The following PHRF1 variants were observed in gnomAD, a reference collection of about 807,000 sequenced individuals.
PHRF1 encodes PHD and ring finger domains 1.
PHRF1 carries 53 observed loss-of-function variants against 128.9 expected under a neutral mutation model. That is an observed-to-expected ratio of 0.41 (90% CI 0.33 to 0.52). PHRF1 has a LOEUF of 0.52. PHRF1 is among the 20% of genes least tolerant of loss of function. The probability of loss-of-function intolerance (pLI) is 0.21; values close to 1 mark genes in which losing one functional copy is unlikely to be tolerated. For missense variants in PHRF1, 2,503 were observed against 2,284.5 expected (o/e 1.10, Z -1.95); for synonymous variants, 1,178 against 980.6 (o/e 1.20, Z -3.76).
chr11:577,126 C>T (rs940618864), intron 1 of PHRF1, among the ~76,000 whole-genome samples: 2 of 152,220 alleles, frequency 1.3e-5, no homozygotes, highest in Non-Finnish European at 2.9e-5. Context: ...TGTCCACAGG[C>T]CTGTGTGGCT....
At chr11:576,769 GA>G (rs1853865947) in intron 1 of PHRF1, among the ~76,000 whole-genome samples, 177 bp downstream of exon 1, 6 of 112,734 alleles carry the variant, frequency 5.3e-5, no homozygotes, top group Admixed American at 2.9e-4. Context: ...CCGAGACTGG[GA>G]GGCCCCGCCG....
chr11:582,346 C>T (rs1269493868), intron 3 of PHRF1, among the ~76,000 whole-genome samples: 1 of 149,834 alleles, frequency 6.7e-6, no homozygotes, highest in Non-Finnish European at 1.5e-5. Context: ...CTCACTGCAA[C>T]TTCTGCCTCC....
rs541891058 is a variant in PHRF1, at chr11:611,647, A to G, written c.4820A>G (p.Lys1607Arg). The change falls in exon 18 of 18, where the codon AAG becomes AGG. Residue 1607 changes from lysine to arginine, a missense_variant. Coordinates refer to ENST00000264555, the MANE Select transcript of PHRF1 (RefSeq NM_001286581.2). The part of the protein sequence containing the change: ...RKAVQKICHS[K>R]SGEINPVKVA... ...CTCTTTCTCCAGATCTGCCACAGCA[A>G]GAGTGGAGAGATCAACCCCGTGAAG... 53 of 1,613,118 alleles carry G rather than the reference A, an allele frequency of 3.3e-5. No homozygotes were observed. The East Asian group carries it at 4.2e-4, about 13-fold the overall frequency.
intron 3 of PHRF1, among the ~76,000 whole-genome samples, chr11:586,446 G>A (rs986927886): frequency 6.6e-5 from 10 of 152,238 alleles, no homozygotes. Context: ...GGTCCTGGCA[G>A]TGATGCCCCA....
rs1293476413 is a variant in PHRF1, at chr11:610,551, A to G, written c.4467A>G (p.Pro1489=). ...CCCCGGCCCAGCCCTCAAGCATCCC[A>G]CCCTGCGCACTGGTCAGCCAGCCCA... The part of the protein sequence containing the change: ...PPAPAQPSSI[P]PCALVSQPTV... Residue 1489 remains proline, a synonymous_variant, in exon 16 of 18, where the codon CCA becomes CCG. Coordinates refer to ENST00000264555, the MANE Select transcript of PHRF1 (RefSeq NM_001286581.2). The G allele has an allele frequency of 1.2e-6, 2 of 1,605,656 alleles. No individual in the cohort carries two copies. The highest frequency in any genetic ancestry group is 8.5e-7 in the Non-Finnish European group (1 of 1,179,628).
In PHRF1 at chr11:610,284, C is replaced by A. The variant is rs375279302; in HGVS notation, c.4353C>A (p.Ser1451=). 1 of 1,561,302 alleles carries A rather than the reference C, an allele frequency of 6.4e-7. No individual in the cohort carries two copies. Among genetic ancestry groups the A allele is most frequent in the Admixed American group, 1.9e-5 (1 of 52,978 alleles). Residue 1451 remains serine (S), a synonymous_variant, in exon 15 of 18, where the codon TCC becomes TCA. Coordinates refer to ENST00000264555, the MANE Select transcript of PHRF1 (RefSeq NM_001286581.2). The part of the protein sequence containing the change: ...VAPTGVRQVF[S]ELPFPSHVLP... ...CCACAGGGGTCAGGCAGGTGTTCTCCGAGCTGCCCTTTCCCAGTCACGTGC... is the reference window on the plus strand; with the variant it reads ...CCACAGGGGTCAGGCAGGTGTTCTCAGAGCTGCCCTTTCCCAGTCACGTGC...
intron 1 of PHRF1, among the ~76,000 whole-genome samples, chr11:578,002 C>G (rs1397398855): frequency 1.3e-5 from 2 of 152,244 alleles, no homozygotes; most frequent in Non-Finnish European, 2.9e-5. Context: ...CAAAGGTGGC[C>G]AGCAGCTGGG....
intron 1 of PHRF1, among the ~76,000 whole-genome samples, chr11:579,609 G>A (rs541387905): frequency 6.6e-6 from 1 of 152,338 alleles, no homozygotes; most frequent in Admixed American, 6.5e-5. Flanking sequence ...TTCAGGTGCG[G>A]GACGAGCAGG....
In PHRF1 at chr11:579,339, C is replaced by T. The variant is rs530339039; in HGVS notation, c.-21-2153C>T. ...TTCATGTGAGAGAGTCTGCCTCCCT[C>T]TTTCAGATATGTTTCTCCAGGGCAG... On this transcript the variant is annotated intron_variant, in intron 1 of 17. Transcript: ENST00000264555. Among the ~76,000 whole-genome samples the T allele has an allele frequency of 3.9e-5, 6 of 152,106 alleles. No individual in the cohort carries two copies. The East Asian group carries it at 5.8e-4, about 15-fold the overall frequency.
intron 6 of PHRF1, among the ~76,000 whole-genome samples, chr11:594,850 T>C (rs1052388277): frequency 9.2e-5 from 14 of 151,942 alleles, no homozygotes; most frequent in Non-Finnish European, 1.8e-4. Context: ...AAACTTGATA[T>C]ATTGATTTTC....
In PHRF1 at chr11:608,935, A is replaced by T; in HGVS notation, c.3479A>T (p.Lys1160Met). 1 of 1,611,316 alleles carries T rather than the reference A, an allele frequency of 6.2e-7. No individual in the cohort carries two copies. Residue 1160 changes from lysine (K) to methionine (M), a missense_variant, in exon 14 of 18, where the codon AAG becomes ATG. Lys to Met is a moderately conservative substitution (Grantham distance 95, BLOSUM62 -1). Coordinates refer to ENST00000264555, the MANE Select transcript of PHRF1 (RefSeq NM_001286581.2). Reference sequence around the variant, plus strand: ...GTGGCGTGGCCCCGAGACCGGAGGAAGCGGAGGTCCCGGTCCCCAAGCTCG... The same window carrying T: ...GTGGCGTGGCCCCGAGACCGGAGGATGCGGAGGTCCCGGTCCCCAAGCTCG... ...ESVAWPRDRR[K>M]RRSRSPSSEH...
rs778707728 is a variant in PHRF1 at position 609,223 on chromosome 11, A to G, written c.3767A>G (p.Asp1256Gly). The G allele has an allele frequency of 1.9e-6, 3 of 1,610,008 alleles. No homozygotes were observed. Among genetic ancestry groups the G allele is most frequent in the South Asian group, 1.1e-5 (1 of 91,088 alleles). ...LEVAAECEPDDLDLDYGDSVE... is the reference protein window; with the variant it reads ...LEVAAECEPDGLDLDYGDSVE... Reference sequence around the variant, plus strand: ...GTGGCAGCTGAGTGTGAGCCGGACGACCTGGACCTGGATTATGGCGACTCC... The same window carrying G: ...GTGGCAGCTGAGTGTGAGCCGGACGGCCTGGACCTGGATTATGGCGACTCC... The change falls in exon 14 of 18, where the codon GAC (aspartate) becomes GGC (glycine). Residue 1256 changes from aspartate to glycine, a missense_variant. By Grantham distance (94) the Asp-to-Gly change is moderately conservative. Transcript: ENST00000264555.
At chr11:583,889 C>T (rs1038256007) in intron 3 of PHRF1, among the ~76,000 whole-genome samples, 14 of 152,294 alleles carry the variant, frequency 9.2e-5, no homozygotes, top group East Asian at 7.7e-4. Flanking sequence ...AGAGGGAGGC[C>T]GAGCTCAGGC....
chr11:595,894 C>A (rs375393662), intron 6 of PHRF1, among the ~76,000 whole-genome samples: 1 of 152,198 alleles, frequency 6.6e-6, no homozygotes, highest in African/African-American at 2.4e-5. Context: ...CCACCCGCCG[C>A]CCCCCTCTGC....
At chr11:582,411 C>A (rs773061020) in intron 3 of PHRF1, among the ~76,000 whole-genome samples, 1 of 151,966 alleles carries the variant, frequency 6.6e-6, no homozygotes, top group Non-Finnish European at 1.5e-5. Flanking sequence ...ATTACAGGCA[C>A]GCACCATGAC....
In PHRF1 at chr11:610,663, C is replaced by T; in HGVS notation, c.4579C>T (p.Pro1527Ser). Reference protein sequence around the residue: ...TLAPVPAALTPASEPASQATA... With the variant: ...TLAPVPAALTSASEPASQATA... ...GGCCCCAGTGCCCGCTGCCCTGACC[C>T]CAGCCTCAGAGCCAGCCAGTCAAGC... is the stretch of plus-strand genomic sequence containing the variant. The change falls in exon 16 of 18, where the codon CCA becomes TCA. Residue 1527 changes from proline to serine, a missense_variant. Physicochemically the swap from Pro to Ser is moderately conservative, Grantham distance 74. Transcript: ENST00000264555. 1 of 1,604,106 alleles carries T rather than the reference C, an allele frequency of 6.2e-7. No homozygotes were observed. Among genetic ancestry groups the T allele is most frequent in the Non-Finnish European group, 8.5e-7 (1 of 1,179,830 alleles).
At chr11:599,236 C>CA (rs1034583800) in intron 9 of PHRF1, among the ~76,000 whole-genome samples, 1 of 125,012 alleles carries the variant, frequency 8.0e-6, no homozygotes, top group African/African-American at 2.9e-5. Context: ...CATACTTTTT[C>CA]TTTTTTTTTT....
rs150933146 is a variant in PHRF1, at chr11:603,557, ACTC to A, written c.1153-1559_1153-1557del. On this transcript the variant is annotated intron_variant, in intron 10 of 17. Coordinates refer to ENST00000264555, the MANE Select transcript of PHRF1 (RefSeq NM_001286581.2). ...ACTGCGTTCCCCAAGCTGGTCTTGA[ACTC>A]CTAGGCTCAAATGATCCTCCTGCCT... Among the ~76,000 whole-genome samples the A allele has an allele frequency of 2.9e-4, 44 of 151,400 alleles. No individual in the cohort carries two copies. The East Asian group carries it at 5.7e-3, about 20-fold the overall frequency.
At position 607,711 on chromosome 11, in the gene PHRF1, C is replaced by G. The variant is rs768113382; in HGVS notation, c.2255C>G (p.Ala752Gly). ...CACACGGGCAGCTCCCGGCCCCCAG[C>G]CCCCAGCTCCCATGGCAGTTTGGCC... ...GVHTGSSRPPAPSSHGSLAPL... is the reference protein window; with the variant it reads ...GVHTGSSRPPGPSSHGSLAPL... The change falls in exon 14 of 18, where the codon GCC becomes GGC. Residue 752 changes from alanine to glycine, a missense_variant. By Grantham distance (60) the Ala-to-Gly change is moderately conservative. Coordinates refer to ENST00000264555, the MANE Select transcript of PHRF1 (RefSeq NM_001286581.2). 199 of 1,610,668 alleles carry G rather than the reference C, an allele frequency of 1.2e-4. No individual in the cohort carries two copies. The highest frequency in any genetic ancestry group is 1.6e-4 in the Non-Finnish European group (187 of 1,178,562).
Sources: gnomAD v4.1 joint callset for allele counts (sites outside exome capture counted in the v4.1 genomes callset) on GRCh38, gnomAD v4.1.1 for gene constraint, MANE v1.5 for transcripts, NCBI Gene and HGNC (gene_info 2026-07-23, HGNC 2026-07-21) for gene names.